The following OSBPL10 variants were observed in gnomAD, a reference collection of about 807,000 sequenced individuals.
The protein encoded by OSBPL10 is oxysterol binding protein like 10, also known as oxysterol-binding protein-related protein 10.
OSBPL10 carries 49 observed loss-of-function variants against 81.7 expected under a neutral mutation model. The ratio of observed to expected loss-of-function variants is 0.60; its 90% confidence interval spans 0.48 to 0.76. OSBPL10 has a LOEUF of 0.76. Among genes scored for constraint, OSBPL10 ranks in the 30% least tolerant of loss-of-function variants. OSBPL10 has a pLI of 0.00. For missense variants in OSBPL10, 923 were observed against 987.8 expected, an observed-to-expected ratio of 0.93 and a Z score of 0.88; for synonymous variants, 419 against 383.6, an observed-to-expected ratio of 1.09 and a Z score of -1.08.
At chr3:31,847,278 C>CCTTGGT (rs1391668018) in intron 3 of OSBPL10, among the ~76,000 whole-genome samples, 1 of 151,902 alleles carries the variant, frequency 6.6e-6, no homozygotes, top group African/African-American at 2.4e-5. Context: ...CTCACTGCAG[C>CCTTGGT]CTCGGTCTCC....
chr3:31,956,762 C>T (rs912895078), intron 1 of OSBPL10, among the ~76,000 whole-genome samples: 1 of 151,560 alleles, frequency 6.6e-6, no homozygotes, highest in Non-Finnish European at 1.5e-5. Context: ...TGGACCCTGG[C>T]CTTGCTCCCT....
intron 1 of OSBPL10, among the ~76,000 whole-genome samples, chr3:31,957,676 T>C (rs1409413830): frequency 6.6e-6 from 1 of 152,226 alleles, no homozygotes; most frequent in Non-Finnish European, 1.5e-5. Context: ...AGTCTTGCTC[T>C]GTCGCCCTGG....
At chr3:31,852,572 T>TC (rs1700797535) in intron 3 of OSBPL10, among the ~76,000 whole-genome samples, 1 of 125,386 alleles carries the variant, frequency 8.0e-6, no homozygotes, top group Non-Finnish European at 1.8e-5. Context: ...AGTTTTTTCC[T>TC]TTTTTTGTTT....
chr3:31,764,159 C>T (rs557276428), intron 4 of OSBPL10, among the ~76,000 whole-genome samples: 1 of 152,364 alleles, frequency 6.6e-6, no homozygotes, highest in South Asian at 2.1e-4. Context: ...CTCCACACTT[C>T]CTCACTGCTC....
chr3:31,772,583 G>T (rs187019339), intron 4 of OSBPL10, among the ~76,000 whole-genome samples: 2 of 152,316 alleles, frequency 1.3e-5, no homozygotes, highest in African/African-American at 4.8e-5. Flanking sequence ...CCTCCAAGGG[G>T]CCCCAGAGCT....
At chr3:31,951,188 CA>C (rs1697859628) in intron 1 of OSBPL10, among the ~76,000 whole-genome samples, 2 of 151,136 alleles carry the variant, frequency 1.3e-5, no homozygotes, top group Admixed American at 1.3e-4. Context: ...GACATAGTCA[CA>C]CAAAGAATGT....
intron 4 of OSBPL10, among the ~76,000 whole-genome samples, chr3:31,753,127 T>C (rs143853301): frequency 0.012 from 1,814 of 152,004 alleles, 16 homozygotes; most frequent in Non-Finnish European, 0.014. Context: ...TTGGTTAACG[T>C]AGGCACTTTT....
intron 1 of OSBPL10, among the ~76,000 whole-genome samples, chr3:31,880,316 G>A (rs531167485): frequency 6.6e-6 from 1 of 152,338 alleles, no homozygotes; most frequent in Non-Finnish European, 1.5e-5. Context: ...GCACCTGGCA[G>A]CATCTGTCAG....
intron 3 of OSBPL10, among the ~76,000 whole-genome samples, chr3:31,853,899 G>A (rs536726705): frequency 6.6e-6 from 1 of 152,242 alleles, no homozygotes; most frequent in South Asian, 2.1e-4. Flanking sequence ...GCAACCTAAG[G>A]CAGTTATTTA....
intron 3 of OSBPL10, among the ~76,000 whole-genome samples, chr3:31,844,729 C>T (rs1404989871): frequency 6.6e-6 from 1 of 152,172 alleles, no homozygotes; most frequent in Admixed American, 6.5e-5. Context: ...GAAGTGGTGG[C>T]TATACAACAT....
At chr3:31,815,450 C>T (rs936230092) in intron 4 of OSBPL10, among the ~76,000 whole-genome samples, 1 of 152,170 alleles carries the variant, frequency 6.6e-6, no homozygotes, top group Non-Finnish European at 1.5e-5. Flanking sequence ...ATATGTTACA[C>T]CTTTAAAAGG....
intron 1 of OSBPL10, among the ~76,000 whole-genome samples, chr3:31,948,316 G>A (rs1697762160): frequency 6.6e-6 from 1 of 152,128 alleles, no homozygotes; most frequent in East Asian, 1.9e-4. Flanking sequence ...CATCTCTCTG[G>A]AAACCATCCA....
intron 4 of OSBPL10, among the ~76,000 whole-genome samples, chr3:31,782,939 A>T (rs895110862): frequency 3.3e-5 from 5 of 152,092 alleles, no homozygotes; most frequent in African/African-American, 1.2e-4. Flanking sequence ...ACCACTAGGT[A>T]TCTACTCAAA....
chr3:31,785,266 C>G (rs1391141750), intron 4 of OSBPL10, among the ~76,000 whole-genome samples: 1 of 152,102 alleles, frequency 6.6e-6, no homozygotes, highest in Non-Finnish European at 1.5e-5. Flanking sequence ...TATATATGAC[C>G]TCAATTTTAT....
At chr3:31,956,215 A>C (rs1698002152) in intron 1 of OSBPL10, among the ~76,000 whole-genome samples, 1 of 152,202 alleles carries the variant, frequency 6.6e-6, no homozygotes, top group Non-Finnish European at 1.5e-5. Context: ...AGCCTATATA[A>C]ATGCCTGCTA....
intron 4 of OSBPL10, among the ~76,000 whole-genome samples, chr3:31,790,344 A>T (rs998490327): frequency 6.6e-6 from 1 of 152,224 alleles, no homozygotes; most frequent in Non-Finnish European, 1.5e-5. Flanking sequence ...CCATTTGGCA[A>T]TATGTTCCCC....
chr3:31,882,509 G>A (rs567206504), intron 1 of OSBPL10, among the ~76,000 whole-genome samples: 292 of 152,332 alleles, frequency 1.9e-3, no homozygotes, highest in Middle Eastern at 3.4e-3. Flanking sequence ...TCTGCTGCAG[G>A]TGAAGTGTGA....
At chr3:31,862,338 A>G (rs1405682793) in intron 3 of OSBPL10, among the ~76,000 whole-genome samples, 1 of 152,182 alleles carries the variant, frequency 6.6e-6, no homozygotes, top group African/African-American at 2.4e-5. Flanking sequence ...TCAAACTTGG[A>G]AAGACCGAAG....
intron 6 of OSBPL10, among the ~76,000 whole-genome samples, chr3:31,728,065 A>G (rs1696864750): frequency 6.6e-6 from 1 of 152,214 alleles, no homozygotes; most frequent in African/African-American, 2.4e-5. Context: ...TCTTTTGGGA[A>G]AGGATGATTA....
Sources: gnomAD v4.1 joint callset for allele counts (sites outside exome capture counted in the v4.1 genomes callset) on GRCh38, gnomAD v4.1.1 for gene constraint, MANE v1.5 for transcripts, NCBI Gene and HGNC (gene_info 2026-07-23, HGNC 2026-07-21) for gene names.